SPATA13: variants seen among roughly 807,000 people sequenced by gnomAD.
SPATA13 encodes spermatogenesis-associated protein 13.
In SPATA13, 50 loss-of-function variants were observed where a neutral mutation model predicts 104.0. The ratio of observed to expected loss-of-function variants is 0.48; its 90% CI spans 0.38 to 0.61. The LOEUF (loss-of-function observed/expected upper bound fraction) is 0.61. Among genes scored for constraint, SPATA13 ranks in the 20% least tolerant of loss-of-function variants. The probability of loss-of-function intolerance (pLI) is 0.00; values close to 1 mark genes in which losing one functional copy is unlikely to be tolerated. For missense variants in SPATA13, 1,524 were observed against 1,690.6 expected (o/e 0.90, Z 1.73); for synonymous variants, 606 against 667.5 (o/e 0.91, Z 1.42).
intron 3 of SPATA13, among the ~76,000 whole-genome samples, chr13:24,112,645 G>A (rs1880683284): frequency 6.6e-6 from 1 of 152,150 alleles, no homozygotes; most frequent in African/African-American, 2.4e-5. Flanking sequence ...GCTCATTACA[G>A]CTGTTTGTTT....
At chr13:24,063,537 C>T (rs2137756986) in intron 3 of SPATA13, among the ~76,000 whole-genome samples, 1 of 152,150 alleles carries the variant, frequency 6.6e-6, no homozygotes, top group South Asian at 2.1e-4. Flanking sequence ...CAGAACCCTC[C>T]CTGCAGGAAA....
chr13:24,160,604 G>A, upstream of SPATA13: 4 of 527,084 alleles, frequency 7.6e-6, no homozygotes, highest in Non-Finnish European at 9.7e-6. Context: ...GGGCGTGGCC[G>A]AGGGTGTGGC....
rs1875235666 is a variant in SPATA13 at position 24,278,922 on chromosome 13, T to TCCTTCCTTCCTTCCC, written c.2165-5213_2165-5212insCCTTCCTTCCTTCCC. ...CTTCCTTCCTTCCTTCCTTCCTTCC[T>TCCTTCCTTCCTTCCC]TCCCTCTTTCCTTCCTTCCTTCCTT... On this transcript the variant is annotated intron_variant, in intron 4 of 12. Transcript: ENST00000382108. The TCCTTCCTTCCTTCCC allele has an allele frequency of 2.8e-6, 3 of 1,082,884 alleles. No individual in the cohort carries two copies. The African/African-American group carries it at 6.0e-5, about 22-fold the overall frequency. 67.1% of individuals were successfully genotyped at this position (1,082,884 alleles called of 1,614,324 possible). A position where few individuals can be genotyped will look rare whatever the true frequency, so the allele number is the denominator to read the frequency against.
At chr13:24,049,457 C>T (rs1380621057) in intron 3 of SPATA13, among the ~76,000 whole-genome samples, 1 of 152,162 alleles carries the variant, frequency 6.6e-6, no homozygotes, top group Non-Finnish European at 1.5e-5. Flanking sequence ...TGTGTGAGTA[C>T]GCTCCGTGTT....
At chr13:24,251,008 T>C (rs914947600) in intron 3 of SPATA13, among the ~76,000 whole-genome samples, 3 of 152,156 alleles carry the variant, frequency 2.0e-5, no homozygotes, top group African/African-American at 7.2e-5. Context: ...AGGATATGCA[T>C]GTAATAAACA....
chr13:24,249,785 T>C lies in SPATA13; in HGVS notation c.1962T>C (p.Gly654=). 6.2e-7 allele frequency: 1 copy of C among 1,613,822 alleles called. No homozygotes were observed. The highest frequency in any genetic ancestry group is 2.2e-5 in the East Asian group (1 of 44,888). Residue 654 remains glycine (G), a synonymous_variant, in exon 3 of 13, where the codon GGT becomes GGC. Transcript: ENST00000382108. ...ARRRRPISVI[G]GVSLYGTNQT... ...GAAGGCGCCCCATTTCCGTGATAGG[T>C]GGGGTCAGCTTGTATGGGACCAACC...
chr13:24,030,489 T>C (rs905943610), intron 3 of SPATA13, among the ~76,000 whole-genome samples: 3 of 152,196 alleles, frequency 2.0e-5, no homozygotes, highest in African/African-American at 7.2e-5. Flanking sequence ...CTTGTCTTCC[T>C]GTGGTGCTCT....
In SPATA13 at chr13:24,269,741, A is replaced by ATTTTTTT. The variant is rs71070673; in HGVS notation, c.2165-14373_2165-14367dup. Among the ~76,000 whole-genome samples, 12 of 75,912 alleles carry ATTTTTTT rather than the reference A, an allele frequency of 1.6e-4. 1 individual carries two copies. Among genetic ancestry groups the ATTTTTTT allele is most frequent in the Non-Finnish European group, 6.8e-5 (3 of 44,118 alleles). 49.8% of individuals were successfully genotyped at this position (75,912 alleles called of 152,430 possible). A position where few individuals can be genotyped will look rare whatever the true frequency, so the allele number is the denominator to read the frequency against. On this transcript the variant is annotated intron_variant, in intron 4 of 12. Coordinates refer to ENST00000382108, the MANE Select transcript of SPATA13 (RefSeq NM_001166271.3). ...ATGCCACTATGCATGGCTAATATAA[A>ATTTTTTT]TTTTTTTTTTTTTTTTTTTTTTTTT...
chr13:23,991,321 G>A (rs1045997709), intron 2 of SPATA13, among the ~76,000 whole-genome samples: 1 of 152,186 alleles, frequency 6.6e-6, no homozygotes. Context: ...TAAATCCTGT[G>A]TTTGCAGAAT....
intron 1 of SPATA13, among the ~76,000 whole-genome samples, chr13:24,222,471 AT>A (rs11411217): frequency 2.0e-5 from 3 of 151,368 alleles, no homozygotes; most frequent in East Asian, 1.9e-4. Flanking sequence ...TTTCCTAATT[AT>A]TTTTTTTTCC....
Position 24,067,923 on chromosome 13 carries a change from C to T in SPATA13, c.-112+50222C>T, listed in dbSNP as rs183189224. On this transcript the variant is annotated intron_variant, in intron 3 of 14. Coordinates refer to the SPATA13 transcript ENST00000424834. Reference sequence around the variant, plus strand: ...TTCACCATGTTGGCAAGGTTGGTCTCGAACTCCTGACCTCAGGTGATCTGC... The same window carrying T: ...TTCACCATGTTGGCAAGGTTGGTCTTGAACTCCTGACCTCAGGTGATCTGC... Among the ~76,000 whole-genome samples, 30 of 152,248 alleles carry T rather than the reference C, an allele frequency of 2.0e-4. No homozygotes were observed. The East Asian group carries it at 4.6e-3, about 23-fold the overall frequency.
intron 3 of SPATA13, among the ~76,000 whole-genome samples, chr13:24,040,409 A>G (rs1181480398): frequency 1.3e-5 from 2 of 152,340 alleles, no homozygotes; most frequent in East Asian, 3.9e-4. Context: ...TTTTAAGAGC[A>G]TGACAAGTAG....
chr13:24,300,167 C>A (rs569689732), intron 11 of SPATA13, among the ~76,000 whole-genome samples: 106 of 152,174 alleles, frequency 7.0e-4, no homozygotes, highest in Non-Finnish European at 1.4e-3. Flanking sequence ...AGCACCACCC[C>A]ATTTCACTCT....
intron 1 of SPATA13, among the ~76,000 whole-genome samples, chr13:24,175,400 A>G (rs756511801): frequency 1.7e-4 from 26 of 152,238 alleles, no homozygotes; most frequent in Admixed American, 3.3e-4. Flanking sequence ...AAGGAGAGAG[A>G]GGAGTTAGTG....
intron 1 of SPATA13, among the ~76,000 whole-genome samples, chr13:24,180,761 A>T (rs1383862852): frequency 2.0e-5 from 3 of 151,504 alleles, no homozygotes; most frequent in African/African-American, 7.3e-5. Flanking sequence ...AGTTTTCATA[A>T]TTTTTTTTTG....
At chr13:24,048,944 GA>G (rs1341890678) in intron 3 of SPATA13, among the ~76,000 whole-genome samples, 1 of 151,708 alleles carries the variant, frequency 6.6e-6, no homozygotes, top group Non-Finnish European at 1.5e-5. Flanking sequence ...GAAACTCAAA[GA>G]AAAAAATGAC....
chr13:24,005,584 C>A (rs1303341629), intron 2 of SPATA13, among the ~76,000 whole-genome samples: 1 of 151,918 alleles, frequency 6.6e-6, no homozygotes, highest in African/African-American at 2.4e-5. Flanking sequence ...AAGGGATGAA[C>A]TCCTGAATTT....
chr13:24,284,127 T>C lies in SPATA13; in HGVS notation c.2165-8T>C, dbSNP rs756254132. ...TTTTAAATCATGCCTTTGTTTTGTA[T>C]GTTTTAGTTTCTTCAGATGGAGGTA... On this transcript the variant is annotated splice_region_variant and splice_polypyrimidine_tract_variant and intron_variant, in intron 4 of 12. Coordinates refer to ENST00000382108, the MANE Select transcript of SPATA13 (RefSeq NM_001166271.3). 146 of 1,599,794 alleles carry C rather than the reference T, an allele frequency of 9.1e-5. No homozygotes were observed. In the Middle Eastern group the frequency reaches 1.4e-3, roughly 15 times the overall value.
chr13:24,174,895 G>C (rs1021992420), intron 1 of SPATA13, among the ~76,000 whole-genome samples: 4 of 152,210 alleles, frequency 2.6e-5, no homozygotes, highest in African/African-American at 9.7e-5. Flanking sequence ...TTTCCCTTTA[G>C]AGTTCCCCCT....
Sources: gnomAD v4.1 joint callset for allele counts (sites outside exome capture counted in the v4.1 genomes callset) on GRCh38, gnomAD v4.1.1 for gene constraint, MANE v1.5 for transcripts, NCBI Gene and HGNC (gene_info 2026-07-23, HGNC 2026-07-21) for gene names.